The following ADAM28 variants were observed in gnomAD, a reference collection of about 807,000 sequenced individuals.
ADAM28 encodes disintegrin and metalloproteinase domain-containing protein 28.
A neutral mutation model predicts 101.2 loss-of-function variants in ADAM28; 105 were observed. The observed-to-expected ratio is 1.04, with a 90% CI of 0.89 to 1.22. ADAM28 has a LOEUF of 1.22. ADAM28 is among the 50% of genes most tolerant of loss of function. ADAM28 has a pLI of 0.00. For synonymous variants in ADAM28, 322 were observed against 310.6 expected (o/e 1.04, Z -0.39); for missense variants, 1,028 against 945.4 (o/e 1.09, Z -1.15).
chr8:24,308,554 T>TTC (rs1810013401), intron 2 of ADAM28: 1 of 451,768 alleles, frequency 2.2e-6, no homozygotes, highest in East Asian at 7.0e-5. Flanking sequence ...CATGGCTTCA[T>TTC]TCTAGCTAGG....
chr8:24,339,358 T>G, intron 14 of ADAM28, 108 bp from the exon 15 acceptor site: 1 of 806,578 alleles, frequency 1.2e-6, no homozygotes, highest in Non-Finnish European at 2.0e-6. Flanking sequence ...TGTTTTATAT[T>G]TTATAAATCG....
At position 24,357,235 on chromosome 8, in the gene ADAM28, G is replaced by T. The variant is rs538408680; in HGVS notation, c.*2831G>T. ...GATTACACACCCACAGAAACTGTATGATAATTAATATGTGTTGTTTAAAGT... is the reference window on the plus strand; with the variant it reads ...GATTACACACCCACAGAAACTGTATTATAATTAATATGTGTTGTTTAAAGT... On this transcript the variant is annotated 3_prime_UTR_variant, in exon 23 of 23. Coordinates refer to ENST00000265769, the MANE Select transcript of ADAM28 (RefSeq NM_014265.6). The T allele has an allele frequency of 6.6e-6, 1 of 152,274 alleles. No homozygotes were observed. Among genetic ancestry groups the T allele is most frequent in the East Asian group, 1.9e-4 (1 of 5,178 alleles). 9.4% of individuals were successfully genotyped at this position (152,274 alleles called of 1,614,324 possible).
intron 2 of ADAM28, among the ~76,000 whole-genome samples, chr8:24,307,478 G>T (rs1037007183): frequency 1.3e-5 from 2 of 152,064 alleles, no homozygotes; most frequent in African/African-American, 4.8e-5. Flanking sequence ...ATTTTTGGGG[G>T]CTGGGAGTAA....
chr8:24,310,071 TA>T, intron 3 of ADAM28, 91 bp from the exon 4 acceptor site: 1 of 1,508,768 alleles, frequency 6.6e-7, no homozygotes, highest in Non-Finnish European at 9.2e-7. Flanking sequence ...AAACCTGGAC[TA>T]ATCAGCGTTT....
At chr8:24,343,703 T>A in intron 18 of ADAM28, 119 bp downstream of exon 18, 1 of 868,666 alleles carries the variant, frequency 1.2e-6, no homozygotes, top group Non-Finnish European at 1.8e-6. Context: ...GTTCTGTTGA[T>A]GTTGAATCCA....
chr8:24,311,979 T>C (rs1169526060), intron 5 of ADAM28, among the ~76,000 whole-genome samples: 2 of 152,090 alleles, frequency 1.3e-5, no homozygotes, highest in Admixed American at 6.5e-5. Flanking sequence ...CCTCAAGTAG[T>C]CTGCCCGCCT....
At chr8:24,346,901 C>A (rs1239585773) in intron 18 of ADAM28, 1 of 152,038 alleles carries the variant, frequency 6.6e-6, no homozygotes, top group Admixed American at 6.6e-5. Context: ...TTATATAATT[C>A]CATGTGTATA....
rs1815890253 is a variant in ADAM28, at chr8:24,350,032, A to C, written c.2099+60A>C. 4 of 1,427,790 alleles carry C rather than the reference A, an allele frequency of 2.8e-6. No individual in the cohort carries two copies. The African/African-American group carries it at 4.3e-5, about 15-fold the overall frequency. The allele number at this position is 1,427,790 out of a possible 1,614,324, so 88.4% of individuals were successfully genotyped here. On this transcript the variant is annotated intron_variant, in intron 19 of 22. Transcript: ENST00000265769. ...TTGACCCCTATTTTACTTTACTTTAAATTCAATGTATAACCTATCCTTTCA... is the reference window on the plus strand; with the variant it reads ...TTGACCCCTATTTTACTTTACTTTACATTCAATGTATAACCTATCCTTTCA...
chr8:24,295,578 A>G (rs1196547931), intron 1 of ADAM28, among the ~76,000 whole-genome samples: 4 of 152,150 alleles, frequency 2.6e-5, no homozygotes, highest in African/African-American at 9.7e-5. Context: ...GAAGAGCGTA[A>G]AGATCAAGCT....
chr8:24,300,366 C>T (rs886302104), intron 2 of ADAM28, among the ~76,000 whole-genome samples: 1 of 152,144 alleles, frequency 6.6e-6, no homozygotes, highest in African/African-American at 2.4e-5. Context: ...AATCAAGTTT[C>T]TGAGAAGTGA....
rs745564442 is a variant in ADAM28 at position 24,327,906 on chromosome 8, C to A, written c.972+1271C>A. On this transcript the variant is annotated intron_variant, in intron 10 of 22. Coordinates refer to ENST00000265769, the MANE Select transcript of ADAM28 (RefSeq NM_014265.6). The stretch of plus-strand genomic sequence containing the variant: ...TTATCATATGTTTAACTTTATATCA[C>A]CATAAATACACAATACATTGTTATT... Among the ~76,000 whole-genome samples the A allele has an allele frequency of 2.1e-4, 32 of 152,014 alleles. 1 individual carries two copies. The highest frequency in any genetic ancestry group is 4.3e-4 in the Non-Finnish European group (29 of 67,972).
chr8:24,325,396 T>C (rs1812406071), intron 9 of ADAM28, among the ~76,000 whole-genome samples: 1 of 151,926 alleles, frequency 6.6e-6, no homozygotes, highest in Non-Finnish European at 1.5e-5. Context: ...AAAAGAGACC[T>C]ATACTTAGGT....
In ADAM28 at chr8:24,323,884, G is replaced by C; in HGVS notation, c.771G>C (p.Trp257Cys). The C allele has an allele frequency of 6.2e-7, 1 of 1,612,134 alleles. No individual in the cohort carries two copies. Among genetic ancestry groups the C allele is most frequent in the Non-Finnish European group, 8.5e-7 (1 of 1,178,778 alleles). Residue 257 changes from tryptophan to cysteine, a missense_variant, in exon 9 of 23, where the codon TGG (tryptophan) becomes TGC (cysteine). Physicochemically the swap from Trp to Cys is radical, Grantham distance 215. Coordinates refer to ENST00000265769, the MANE Select transcript of ADAM28 (RefSeq NM_014265.6). ...TGGCCTTAGTTGGTATGGAAATCTG[G>C]ACTGACAAGGATAAGATAAAGATAA... ...THVALVGMEI[W>C]TDKDKIKITP... is the part of the protein sequence containing the mutation.
intron 2 of ADAM28, among the ~76,000 whole-genome samples, chr8:24,306,389 A>AATATATATATATATATAT (rs1050085696): frequency 1.7e-5 from 2 of 117,386 alleles, no homozygotes; most frequent in African/African-American, 6.8e-5. Context: ...TATATATTTA[A>AATATATATATATATATAT]AAATATATAT....
chr8:24,334,329 T>C (rs921365859), intron 13 of ADAM28, among the ~76,000 whole-genome samples: 3 of 152,170 alleles, frequency 2.0e-5, no homozygotes, highest in African/African-American at 4.8e-5. Flanking sequence ...ATTAAATCCA[T>C]TTTCTAAAGT....
intron 2 of ADAM28, among the ~76,000 whole-genome samples, chr8:24,308,005 T>C (rs934103643): frequency 1.3e-5 from 2 of 152,208 alleles, no homozygotes; most frequent in East Asian, 1.9e-4. Context: ...TGACATCCCC[T>C]AGACCTTACA....
chr8:24,316,061 CATTTATTTATTT>C (rs1008297441), intron 6 of ADAM28, among the ~76,000 whole-genome samples: 70 of 122,498 alleles, frequency 5.7e-4, no homozygotes, highest in African/African-American at 6.1e-4. Flanking sequence ...TCATAAAGGC[CATTTATTTATTT>C]ATTTATTTAT....
intron 21 of ADAM28, among the ~76,000 whole-genome samples, chr8:24,352,347 C>G (rs943755728): frequency 2.0e-5 from 3 of 152,158 alleles, no homozygotes; most frequent in Non-Finnish European, 1.5e-5. Flanking sequence ...GTGGCTTAAA[C>G]AACAGATATT....
At chr8:24,337,321 C>A (rs1464232775) in intron 14 of ADAM28, among the ~76,000 whole-genome samples, 1 of 152,206 alleles carries the variant, frequency 6.6e-6, no homozygotes, top group East Asian at 1.9e-4. Flanking sequence ...ACGGCAAAAA[C>A]CAGGAGAAAG....
Sources: gnomAD v4.1 joint callset for allele counts (sites outside exome capture counted in the v4.1 genomes callset) on GRCh38, gnomAD v4.1.1 for gene constraint, MANE v1.5 for transcripts, NCBI Gene and HGNC (gene_info 2026-07-23, HGNC 2026-07-21) for gene names.